The following PTPRG variants were observed in gnomAD, a reference collection of about 807,000 sequenced individuals.
PTPRG encodes the protein receptor-type tyrosine-protein phosphatase gamma.
PTPRG carries 102 observed loss-of-function variants against 165.3 expected under a neutral mutation model. The observed-to-expected ratio is 0.62, with a 90% CI of 0.53 to 0.73. PTPRG has a LOEUF of 0.73. Ranked by LOEUF, PTPRG falls within the 30% of genes least tolerant of loss-of-function variation. The pLI is 0.00. For missense variants in PTPRG, 1,866 were observed against 1,861.4 expected (o/e 1.00, Z -0.05); for synonymous variants, 675 against 669.5 (o/e 1.01, Z -0.13).
intron 1 of PTPRG, among the ~76,000 whole-genome samples, chr3:61,646,132 G>T (rs1702195565): frequency 6.6e-6 from 1 of 151,998 alleles, no homozygotes. Context: ...TTGAGATGGG[G>T]TCTCACTCTG....
chr3:62,008,218 G>A (rs4688277), intron 4 of PTPRG, among the ~76,000 whole-genome samples: 66,716 of 152,072 alleles, frequency 0.44, 15,109 homozygotes, highest in East Asian at 0.6. Flanking sequence ...AACCAAAGTT[G>A]CAGTTAATGC....
rs192551691 is a variant in PTPRG, at chr3:62,161,130, A to C, written c.840+3906A>C. Among the ~76,000 whole-genome samples, 313 of 152,266 alleles carry C rather than the reference A, an allele frequency of 2.1e-3. 1 individual carries two copies. Among genetic ancestry groups the C allele is most frequent in the African/African-American group, 7.1e-3 (294 of 41,548 alleles). ...ATAATACTCCCCTCATGGAGTCACA[A>C]TAAAGATTAAATGGTGGAATATGTA... On this transcript the variant is annotated intron_variant, in intron 7 of 29. Transcript: ENST00000474889.
intron 2 of PTPRG, among the ~76,000 whole-genome samples, chr3:61,808,522 G>A (rs1489880023): frequency 6.6e-6 from 1 of 152,058 alleles, no homozygotes; most frequent in Admixed American, 6.5e-5. Context: ...ACCTTCCCAG[G>A]CAGGAATCAA....
intron 2 of PTPRG, among the ~76,000 whole-genome samples, chr3:61,771,645 C>A (rs557564274): frequency 4.6e-5 from 7 of 152,248 alleles, no homozygotes; most frequent in Non-Finnish European, 1.0e-4. Context: ...ACTCTTATTT[C>A]CTACCTTGGC....
chr3:62,154,399 G>C (rs567735054), intron 6 of PTPRG, among the ~76,000 whole-genome samples: 1 of 152,174 alleles, frequency 6.6e-6, no homozygotes, highest in Non-Finnish European at 1.5e-5. Context: ...ACCAGAGCTT[G>C]CCTCTGAAGC....
At position 62,221,900 on chromosome 3, in the gene PTPRG, C is replaced by T. The variant is rs117393061; in HGVS notation, c.2288+2917C>T. ...TGAATTCTGTCTCTTCCAAGTCTCC[C>T]GCTGTACAGTGGTGTTAGTGCTAAT... On this transcript the variant is annotated intron_variant, in intron 13 of 29. Coordinates refer to ENST00000474889, the MANE Select transcript of PTPRG (RefSeq NM_002841.4). 2.5e-4 allele frequency among the ~76,000 whole-genome samples: 38 copies of T among 152,318 alleles called. 1 individual carries two copies. Among genetic ancestry groups the T allele is most frequent in the East Asian group, 1.5e-3 (8 of 5,190 alleles).
intron 1 of PTPRG, among the ~76,000 whole-genome samples, chr3:61,740,949 C>G (rs2032957421): frequency 6.6e-6 from 1 of 152,104 alleles, no homozygotes; most frequent in South Asian, 2.1e-4. Flanking sequence ...AAGGAACACA[C>G]TTTTTCATTT....
At chr3:61,600,188 ATATATGTG>A (rs1165350663) in intron 1 of PTPRG, among the ~76,000 whole-genome samples, 8 of 133,278 alleles carry the variant, frequency 6.0e-5, no homozygotes, top group South Asian at 2.3e-4. Context: ...ATATATATAT[ATATATGTG>A]TGTGTGTGTG....
chr3:61,706,795 T>C lies in PTPRG; in HGVS notation c.86-42083T>C, dbSNP rs565360543. Among the ~76,000 whole-genome samples, 120 of 151,936 alleles carry C rather than the reference T, an allele frequency of 7.9e-4. 1 individual carries two copies. The highest frequency in any genetic ancestry group is 7.7e-3 in the Admixed American group (118 of 15,244). ...GTGAGCCACTGTGCCCGGCCAGTAT[T>C]ATTATTATTATTATTTTTAACTAGA... is the stretch of plus-strand genomic sequence containing the variant. On this transcript the variant is annotated intron_variant, in intron 1 of 29. Coordinates refer to ENST00000474889, the MANE Select transcript of PTPRG (RefSeq NM_002841.4).
chr3:62,092,063 GACACACACACACACACAC>G (rs58689072), intron 5 of PTPRG, among the ~76,000 whole-genome samples: 15,227 of 114,746 alleles, frequency 0.13, 1,420 homozygotes, highest in East Asian at 0.16. Flanking sequence ...CTTATACATG[GACACACACACACACACAC>G]ACACACACAC....
chr3:61,661,247 T>TA (rs1424631367), intron 1 of PTPRG, among the ~76,000 whole-genome samples: 1 of 151,380 alleles, frequency 6.6e-6, no homozygotes, highest in Non-Finnish European at 1.5e-5. Flanking sequence ...TCCCCTCACT[T>TA]AAAAAAAATG....
intron 28 of PTPRG, among the ~76,000 whole-genome samples, chr3:62,284,650 C>T (rs1381946045): frequency 6.6e-6 from 1 of 152,106 alleles, no homozygotes; most frequent in Non-Finnish European, 1.5e-5. Context: ...CTAAACATCA[C>T]TTCCTGATGG....
Position 61,693,681 on chromosome 3 carries a change from C to T in PTPRG, c.86-55197C>T, listed in dbSNP as rs2030367323. On this transcript the variant is annotated intron_variant, in intron 1 of 29. Transcript: ENST00000474889. ...GATGAAGACGTATTGAAATCTGACT[C>T]CAGGCTTGTGTGTGGAGAGGAATTA... Among the ~76,000 whole-genome samples the T allele has an allele frequency of 2.6e-5, 4 of 152,036 alleles. No individual in the cohort carries two copies. The South Asian group carries it at 8.3e-4, about 32-fold the overall frequency.
intron 4 of PTPRG, among the ~76,000 whole-genome samples, chr3:62,017,131 T>A (rs1483584084): frequency 6.6e-6 from 1 of 152,174 alleles, no homozygotes; most frequent in Non-Finnish European, 1.5e-5. Context: ...ATGAACATAG[T>A]CCCATAACAG....
chr3:61,836,893 C>T (rs543815332), intron 2 of PTPRG, among the ~76,000 whole-genome samples: 2 of 150,720 alleles, frequency 1.3e-5, no homozygotes, highest in African/African-American at 2.4e-5. Context: ...TACAGGCACA[C>T]GCCACCAGGC....
chr3:62,054,729 T>C (rs1407448939), intron 4 of PTPRG, among the ~76,000 whole-genome samples: 3 of 152,240 alleles, frequency 2.0e-5, no homozygotes, highest in Non-Finnish European at 4.4e-5. Context: ...TTTTGAGTTA[T>C]ATTTTGCAGT....
chr3:61,990,426 C>A (rs1013604304), intron 3 of PTPRG, among the ~76,000 whole-genome samples: 7 of 152,142 alleles, frequency 4.6e-5, no homozygotes, highest in Admixed American at 4.6e-4. Context: ...TGTATCAGAC[C>A]AGCAATTCAA....
chr3:61,714,140 A>G (rs376078047), intron 1 of PTPRG, among the ~76,000 whole-genome samples: 2 of 152,172 alleles, frequency 1.3e-5, no homozygotes. Flanking sequence ...CAACTGTGCC[A>G]TATTTCTGCA....
At chr3:62,125,698 T>TA (rs1703263630) in intron 5 of PTPRG, among the ~76,000 whole-genome samples, 2 of 150,720 alleles carry the variant, frequency 1.3e-5, no homozygotes, top group Non-Finnish European at 1.5e-5. Context: ...TTTTTTTTTT[T>TA]AAATTCAAAC....
Sources: allele counts gnomAD v4.1 joint callset (sites outside exome capture counted in the v4.1 genomes callset), GRCh38; gene constraint gnomAD v4.1.1; transcripts MANE v1.5; gene names NCBI Gene and HGNC (gene_info 2026-07-23, HGNC 2026-07-21).